Variants in CDH4 observed in about 807,000 individuals in gnomAD.
The protein encoded by CDH4 is cadherin 4.
Under a neutral mutation model 86.0 loss-of-function variants are expected in CDH4, and 33 were observed. That is an observed-to-expected ratio of 0.38 (90% CI 0.29 to 0.51). The LOEUF (loss-of-function observed/expected upper bound fraction) is 0.51, where lower values mean the gene tolerates loss of function less well. CDH4 is among the 20% of genes least tolerant of loss of function. The probability of loss-of-function intolerance (pLI) is 0.86; values close to 1 mark genes in which losing one functional copy is unlikely to be tolerated. For synonymous variants in CDH4, 555 were observed against 549.4 expected (o/e 1.01, Z -0.14); for missense variants, 1,114 against 1,307.4 (o/e 0.85, Z 2.28).
At chr20:61,254,623 C>T (rs1474988368) in intron 1 of CDH4, among the ~76,000 whole-genome samples, 1 of 152,138 alleles carries the variant, frequency 6.6e-6, no homozygotes, top group Non-Finnish European at 1.5e-5. Context: ...GAAGGATGCT[C>T]CTGGTCTGTA....
At chr20:61,571,545 C>T (rs192857740) in intron 2 of CDH4, among the ~76,000 whole-genome samples, 13 of 152,290 alleles carry the variant, frequency 8.5e-5, no homozygotes, top group African/African-American at 3.1e-4. Flanking sequence ...CTGTGAGGGA[C>T]CAGTACAGGA....
In CDH4 at chr20:61,525,632, G is replaced by A. The variant is rs561796058; in HGVS notation, c.170-217931G>A. ...TTGATCAGGTAGCTGCCGTGTGCTC[G>A]GCTCTGTGCTGCGGCTGTACCCGAT... On this transcript the variant is annotated intron_variant, in intron 2 of 15. Coordinates refer to ENST00000614565, the MANE Select transcript of CDH4 (RefSeq NM_001794.5). 5.5e-4 allele frequency among the ~76,000 whole-genome samples: 84 copies of A among 152,310 alleles called. 1 individual carries two copies. The highest frequency in any genetic ancestry group is 1.8e-3 in the African/African-American group (76 of 41,562).
At chr20:61,500,776 G>A (rs147321878) in intron 2 of CDH4, among the ~76,000 whole-genome samples, 6 of 152,272 alleles carry the variant, frequency 3.9e-5, no homozygotes, top group African/African-American at 7.2e-5. Context: ...CCTTCATATC[G>A]TTGGCGTGTC....
chr20:61,667,898 C>T (rs2087345069), intron 2 of CDH4, among the ~76,000 whole-genome samples: 1 of 152,300 alleles, frequency 6.6e-6, no homozygotes, highest in South Asian at 2.1e-4. Flanking sequence ...GGCGGAGGGA[C>T]CCCACCAAGT....
chr20:61,348,920 C>T (rs897973993), intron 2 of CDH4, among the ~76,000 whole-genome samples: 5 of 152,180 alleles, frequency 3.3e-5, no homozygotes, highest in Non-Finnish European at 5.9e-5. Flanking sequence ...TGTTTTGGGA[C>T]TACATTTGAA....
At chr20:61,594,885 C>G (rs993553160) in intron 2 of CDH4, among the ~76,000 whole-genome samples, 2 of 152,242 alleles carry the variant, frequency 1.3e-5, no homozygotes, top group Non-Finnish European at 2.9e-5. Context: ...GCTTTACTTT[C>G]ATTATCTCAT....
At chr20:61,445,236 C>T (rs777419696) in intron 2 of CDH4, among the ~76,000 whole-genome samples, 1 of 152,096 alleles carries the variant, frequency 6.6e-6, no homozygotes, top group Non-Finnish European at 1.5e-5. Flanking sequence ...CTGGGGGACC[C>T]CAGCTGAACA....
rs575337399 is a variant in CDH4, at chr20:61,428,249, A to G, written c.169+173312A>G. ...AACATGCAGCACCTGGAATCCTGAC[A>G]TACAGCAGGTGGTGTGGGAACTAGT... On this transcript the variant is annotated intron_variant, in intron 2 of 15. Coordinates refer to ENST00000614565, the MANE Select transcript of CDH4 (RefSeq NM_001794.5). Among the ~76,000 whole-genome samples the G allele has an allele frequency of 2.0e-5, 3 of 152,328 alleles. No homozygotes were observed. The East Asian group carries it at 5.8e-4, about 29-fold the overall frequency.
chr20:61,916,596 C>A (rs1446465226), intron 9 of CDH4, among the ~76,000 whole-genome samples: 1 of 152,208 alleles, frequency 6.6e-6, no homozygotes, highest in Non-Finnish European at 1.5e-5. Context: ...GGCTCCTGAT[C>A]ATTCTCCCTG....
At chr20:61,851,057 T>C (rs6061867) in intron 5 of CDH4, among the ~76,000 whole-genome samples, 74,574 of 152,190 alleles carry the variant, frequency 0.49, 19,369 homozygotes, top group Non-Finnish European at 0.59. Flanking sequence ...AACACATCCA[T>C]AGCAGGACGG....
At chr20:61,897,692 A>G (rs1341093214) in intron 8 of CDH4, among the ~76,000 whole-genome samples, 1 of 152,124 alleles carries the variant, frequency 6.6e-6, no homozygotes, top group African/African-American at 2.4e-5. Flanking sequence ...TATTAGAGAG[A>G]GGCGTCTCTG....
intron 4 of CDH4, among the ~76,000 whole-genome samples, chr20:61,834,738 AAAC>A (rs1209134463): frequency 6.6e-6 from 1 of 151,512 alleles, no homozygotes; most frequent in Non-Finnish European, 1.5e-5. Flanking sequence ...TCACGGGCTG[AAAC>A]AACAAAGAAC....
intron 2 of CDH4, among the ~76,000 whole-genome samples, chr20:61,488,838 G>T (rs906383992): frequency 6.6e-6 from 1 of 152,174 alleles, no homozygotes; most frequent in Non-Finnish European, 1.5e-5. Flanking sequence ...CATGGACCTT[G>T]CCATTCACAG....
intron 9 of CDH4, among the ~76,000 whole-genome samples, chr20:61,916,421 C>A (rs1330933923): frequency 6.6e-6 from 1 of 152,264 alleles, no homozygotes; most frequent in Non-Finnish European, 1.5e-5. Context: ...AGGCTTATGA[C>A]TCACACTGAA....
chr20:61,550,001 A>T (rs748868047), intron 2 of CDH4, among the ~76,000 whole-genome samples: 10 of 151,616 alleles, frequency 6.6e-5, no homozygotes, highest in Non-Finnish European at 1.2e-4. Context: ...CCTCCCCGGG[A>T]CTCACTGCAG....
At chr20:61,287,288 C>G (rs895527701) in intron 2 of CDH4, among the ~76,000 whole-genome samples, 1 of 152,088 alleles carries the variant, frequency 6.6e-6, no homozygotes, top group African/African-American at 2.4e-5. Flanking sequence ...CCAGCTTGGG[C>G]AACATCGAGA....
At chr20:61,489,637 G>A (rs1007548929) in intron 2 of CDH4, among the ~76,000 whole-genome samples, 12 of 152,362 alleles carry the variant, frequency 7.9e-5, no homozygotes, top group African/African-American at 1.2e-4. Context: ...TGATTCAGCC[G>A]ATTGGCCAGT....
At chr20:61,387,623 TACAC>T (rs780587379) in intron 2 of CDH4, among the ~76,000 whole-genome samples, 68 of 152,188 alleles carry the variant, frequency 4.5e-4, no homozygotes, top group Non-Finnish European at 8.5e-4. Context: ...GACAAAAAGA[TACAC>T]ACAGACACAC....
At chr20:61,363,386 T>C (rs376891954) in intron 2 of CDH4, among the ~76,000 whole-genome samples, 185 of 152,282 alleles carry the variant, frequency 1.2e-3, no homozygotes, top group African/African-American at 4.3e-3. Flanking sequence ...GCCAGTCTTT[T>C]GAGAGGCATA....
Sources: allele counts gnomAD v4.1 joint callset (sites outside exome capture counted in the v4.1 genomes callset), GRCh38; gene constraint gnomAD v4.1.1; transcripts MANE v1.5; gene names NCBI Gene and HGNC (gene_info 2026-07-23, HGNC 2026-07-21).